Variants in STPG4 observed in about 807,000 individuals in gnomAD.
STPG4 encodes protein STPG4.
Under a neutral mutation model 31.5 loss-of-function variants are expected in STPG4, and 41 were observed. The ratio of observed to expected loss-of-function variants is 1.30; its 90% confidence interval spans 1.01 to 1.69. The LOEUF (loss-of-function observed/expected upper bound fraction) is 1.69, where lower values mean the gene tolerates loss of function less well. Ranked by LOEUF, STPG4 falls within the 40% of genes most tolerant of loss-of-function variation. The probability of loss-of-function intolerance (pLI) is 0.00; values close to 1 mark genes in which losing one functional copy is unlikely to be tolerated. For missense variants in STPG4, 375 were observed against 293.4 expected (o/e 1.28, Z -2.03); for synonymous variants, 141 against 103.0 (o/e 1.37, Z -2.24).
chr2:47,099,462 T>C (rs11890263), intron 5 of STPG4, among the ~76,000 whole-genome samples: 8,372 of 152,264 alleles, frequency 0.055, 341 homozygotes, highest in African/African-American at 0.11. Context: ...TTGCTAACAG[T>C]AGGAGAAGCA....
intron 5 of STPG4, among the ~76,000 whole-genome samples, chr2:47,096,396 G>A (rs942174827): frequency 6.6e-6 from 1 of 152,198 alleles, no homozygotes; most frequent in East Asian, 1.9e-4. Flanking sequence ...GCAGGGCCTC[G>A]AGGACAAGCC....
chr2:47,093,597 G>A (rs1256601832), intron 5 of STPG4, among the ~76,000 whole-genome samples: 1 of 152,186 alleles, frequency 6.6e-6, no homozygotes, highest in East Asian at 1.9e-4. Flanking sequence ...CAGGCCTAAT[G>A]CGGCTTTGCT....
intron 5 of STPG4, chr2:47,108,660 T>C (rs555269825): frequency 6.5e-6 from 1 of 153,474 alleles, no homozygotes; most frequent in African/African-American, 2.4e-5. Flanking sequence ...AGGTAGTAGG[T>C]AGGTGTTGTC....
chr2:47,147,831 A>T (rs1327630783), intron 3 of STPG4, among the ~76,000 whole-genome samples: 1 of 152,142 alleles, frequency 6.6e-6, no homozygotes, highest in Non-Finnish European at 1.5e-5. Context: ...TATACTATTT[A>T]TCTGTTAAGA....
chr2:47,147,393 G>A (rs1558688758), intron 3 of STPG4, among the ~76,000 whole-genome samples: 1 of 152,216 alleles, frequency 6.6e-6, no homozygotes, highest in Non-Finnish European at 1.5e-5. Context: ...CTATGGGATT[G>A]GAGCTTTGCA....
chr2:47,114,331 C>T (rs532453348), intron 5 of STPG4, among the ~76,000 whole-genome samples: 189 of 152,006 alleles, frequency 1.2e-3, no homozygotes, highest in Non-Finnish European at 2.2e-3. Context: ...ATGGTGAAAT[C>T]CCATCTCTAC....
chr2:47,115,206 G>T (rs1175106647), intron 5 of STPG4, among the ~76,000 whole-genome samples: 2 of 149,946 alleles, frequency 1.3e-5, no homozygotes, highest in African/African-American at 4.9e-5. Context: ...TTTTTCTTTT[G>T]AAACATTCCT....
intron 3 of STPG4, among the ~76,000 whole-genome samples, chr2:47,150,200 T>C (rs1450720464): frequency 2.0e-5 from 3 of 152,170 alleles, no homozygotes; most frequent in Non-Finnish European, 4.4e-5. Flanking sequence ...ATAAAAGACA[T>C]GTATTAGTGA....
At chr2:47,151,198 C>A (rs951901943) in intron 3 of STPG4, 60 bp downstream of exon 3, 1 of 1,583,912 alleles carries the variant, frequency 6.3e-7, no homozygotes, top group East Asian at 2.2e-5. Flanking sequence ...TATAAAAATA[C>A]TTTCCTCAGG....
chr2:47,144,579 C>T (rs1381800848), intron 3 of STPG4, among the ~76,000 whole-genome samples: 1 of 151,944 alleles, frequency 6.6e-6, no homozygotes, highest in Non-Finnish European at 1.5e-5. Context: ...GTAAAGAATA[C>T]ATGAAAAAGA....
chr2:47,102,679 A>G (rs1055933392), intron 5 of STPG4, among the ~76,000 whole-genome samples: 4 of 151,568 alleles, frequency 2.6e-5, no homozygotes, highest in African/African-American at 9.7e-5. Context: ...TCCTTTTCTA[A>G]TCTCCCCTGC....
At chr2:47,102,800 A>C (rs1286644715) in intron 5 of STPG4, among the ~76,000 whole-genome samples, 1 of 151,834 alleles carries the variant, frequency 6.6e-6, no homozygotes, top group Non-Finnish European at 1.5e-5. Context: ...ACCCGGGTAC[A>C]TGTCCCCTTC....
intron 3 of STPG4, among the ~76,000 whole-genome samples, chr2:47,139,863 C>T (rs748194984): frequency 1.3e-5 from 2 of 152,156 alleles, no homozygotes; most frequent in African/African-American, 2.4e-5. Flanking sequence ...GCACCCTCCG[C>T]CTCCTGGGTT....
chr2:47,087,234 G>A, intron 6 of STPG4, 104 bp from the exon 7 acceptor site: 1 of 1,352,956 alleles, frequency 7.4e-7, no homozygotes, highest in Non-Finnish European at 1.0e-6. Context: ...AATTCCCCAA[G>A]GATGAAGACC....
At chr2:47,149,619 T>G (rs1340965205) in intron 3 of STPG4, among the ~76,000 whole-genome samples, 2 of 152,260 alleles carry the variant, frequency 1.3e-5, no homozygotes, top group Non-Finnish European at 2.9e-5. Context: ...TTCATCCTGC[T>G]GAAAATTTTG....
At chr2:47,141,767 C>A (rs1375602831) in intron 3 of STPG4, among the ~76,000 whole-genome samples, 1 of 151,838 alleles carries the variant, frequency 6.6e-6, no homozygotes, top group Non-Finnish European at 1.5e-5. Context: ...AATCAACACA[C>A]ACTTCAGGTC....
chr2:47,109,343 A>G (rs1685990475), intron 5 of STPG4, among the ~76,000 whole-genome samples: 1 of 152,100 alleles, frequency 6.6e-6, no homozygotes, highest in Admixed American at 6.6e-5. Flanking sequence ...GATCACCTGA[A>G]CTCAGGAGTT....
chr2:47,115,089 T>C (rs1686119638), intron 5 of STPG4, among the ~76,000 whole-genome samples: 1 of 152,156 alleles, frequency 6.6e-6, no homozygotes, highest in African/African-American at 2.4e-5. Context: ...TTCTACAGCC[T>C]TTTGTTTTAC....
chr2:47,139,868 T>C (rs551839022), intron 3 of STPG4, among the ~76,000 whole-genome samples: 7 of 152,052 alleles, frequency 4.6e-5, no homozygotes, highest in Admixed American at 2.0e-4. Flanking sequence ...CTCCGCCTCC[T>C]GGGTTCAAGC....
Sources: gnomAD v4.1 joint callset for allele counts (sites outside exome capture counted in the v4.1 genomes callset) on GRCh38, gnomAD v4.1.1 for gene constraint, MANE v1.5 for transcripts, NCBI Gene and HGNC (gene_info 2026-07-23, HGNC 2026-07-21) for gene names.